The following PTPRK variants were observed in gnomAD, a reference collection of about 807,000 sequenced individuals.
PTPRK encodes receptor-type tyrosine-protein phosphatase kappa.
Under a neutral mutation model 178.0 loss-of-function variants are expected in PTPRK, and 75 were observed. The ratio of observed to expected loss-of-function variants is 0.42; its 90% CI spans 0.35 to 0.51. The LOEUF is 0.51. Among genes scored for constraint, PTPRK ranks in the 20% least tolerant of loss-of-function variants. PTPRK has a pLI of 0.02. For synonymous variants in PTPRK, 637 were observed against 620.6 expected (o/e 1.03, Z -0.39); for missense variants, 1,441 against 1,797.8 (o/e 0.80, Z 3.59).
intron 13 of PTPRK, among the ~76,000 whole-genome samples, chr6:128,061,108 A>T (rs983486563): frequency 6.6e-6 from 1 of 151,580 alleles, no homozygotes; most frequent in Non-Finnish European, 1.5e-5. Context: ...TGGCTAAATA[A>T]TTTTTTTTTG....
intron 6 of PTPRK, among the ~76,000 whole-genome samples, chr6:128,202,622 G>A (rs1004356143): frequency 6.6e-6 from 1 of 152,042 alleles, no homozygotes; most frequent in African/African-American, 2.4e-5. Context: ...CAGGCTGACA[G>A]GCTCCGTCCA....
chr6:128,035,166 A>G (rs1280824448), intron 13 of PTPRK, among the ~76,000 whole-genome samples: 2 of 152,200 alleles, frequency 1.3e-5, no homozygotes, highest in African/African-American at 4.8e-5. Context: ...CAGGAGTTCA[A>G]GACCAGCCTG....
chr6:128,054,317 A>G (rs978108223), intron 13 of PTPRK, among the ~76,000 whole-genome samples: 3 of 152,216 alleles, frequency 2.0e-5, no homozygotes, highest in Non-Finnish European at 4.4e-5. Flanking sequence ...TCCTCCATAA[A>G]ATTCTTCTCT....
At chr6:128,470,229 ATTAG>A (rs1222697318) in intron 1 of PTPRK, among the ~76,000 whole-genome samples, 2 of 151,058 alleles carry the variant, frequency 1.3e-5, no homozygotes, top group African/African-American at 4.9e-5. Flanking sequence ...CATTAAAACA[ATTAG>A]TTATTCATCC....
At chr6:128,464,638 C>CATATATATAT (rs10665667) in intron 1 of PTPRK, among the ~76,000 whole-genome samples, 2,551 of 48,062 alleles carry the variant, frequency 0.053, 231 homozygotes, top group African/African-American at 0.077. Flanking sequence ...TATATATACA[C>CATATATATAT]ATATATATAT....
At chr6:128,516,759 C>T (rs1858099428) in intron 1 of PTPRK, among the ~76,000 whole-genome samples, 1 of 152,064 alleles carries the variant, frequency 6.6e-6, no homozygotes, top group Admixed American at 6.6e-5. Flanking sequence ...CTCTCTAGGT[C>T]ATTGATAAGA....
chr6:128,182,901 A>T (rs1802162822), intron 7 of PTPRK, among the ~76,000 whole-genome samples: 1 of 152,188 alleles, frequency 6.6e-6, no homozygotes, highest in Non-Finnish European at 1.5e-5. Context: ...TTAAAGACCT[A>T]TTTTGACGAA....
intron 2 of PTPRK, among the ~76,000 whole-genome samples, chr6:128,356,249 T>G (rs1833945948): frequency 6.6e-6 from 1 of 152,142 alleles, no homozygotes; most frequent in Non-Finnish European, 1.5e-5. Context: ...CTCCTCCATT[T>G]TAACAACAAC....
intron 13 of PTPRK, among the ~76,000 whole-genome samples, chr6:128,059,510 T>G (rs1780467167): frequency 6.6e-6 from 1 of 152,294 alleles, no homozygotes; most frequent in East Asian, 1.9e-4. Flanking sequence ...GATTATAAGT[T>G]AGTTCCCTTA....
At chr6:128,042,824 T>C (rs1777424401) in intron 13 of PTPRK, among the ~76,000 whole-genome samples, 1 of 152,036 alleles carries the variant, frequency 6.6e-6, no homozygotes, top group African/African-American at 2.4e-5. Context: ...TATTATTCTC[T>C]AGAAATGTTA....
At chr6:128,174,470 G>C (rs1330666429) in intron 7 of PTPRK, among the ~76,000 whole-genome samples, 1 of 151,758 alleles carries the variant, frequency 6.6e-6, no homozygotes, top group African/African-American at 2.4e-5. Flanking sequence ...CTCAAGAATA[G>C]AAATAATGGT....
chr6:127,995,955 C>CT (rs1777102505), intron 17 of PTPRK, among the ~76,000 whole-genome samples: 1 of 152,254 alleles, frequency 6.6e-6, no homozygotes, highest in South Asian at 2.1e-4. Context: ...CTCTCAGTTT[C>CT]TTACTCCCTG....
chr6:127,980,858 C>G (rs1775263685), intron 25 of PTPRK, among the ~76,000 whole-genome samples: 1 of 152,104 alleles, frequency 6.6e-6, no homozygotes, highest in African/African-American at 2.4e-5. Flanking sequence ...AAATTTATAA[C>G]TTGCAATATT....
chr6:128,366,563 C>T (rs1267727081), intron 2 of PTPRK, among the ~76,000 whole-genome samples: 1 of 152,068 alleles, frequency 6.6e-6, no homozygotes, highest in African/African-American at 2.4e-5. Context: ...AAGTGGATAT[C>T]ACAGTATCCA....
At chr6:128,269,336 T>C (rs1819429005) in intron 3 of PTPRK, among the ~76,000 whole-genome samples, 1 of 151,318 alleles carries the variant, frequency 6.6e-6, no homozygotes, top group Non-Finnish European at 1.5e-5. Context: ...ATAAAGACAA[T>C]CCCAGCAGCC....
At chr6:128,370,175 G>A (rs773329829) in intron 2 of PTPRK, among the ~76,000 whole-genome samples, 11 of 152,012 alleles carry the variant, frequency 7.2e-5, no homozygotes, top group African/African-American at 2.2e-4. Context: ...AAAGTGGTTC[G>A]ACGATAATAG....
intron 13 of PTPRK, among the ~76,000 whole-genome samples, chr6:128,038,659 A>G (rs1420010773): frequency 1.3e-5 from 2 of 152,204 alleles, no homozygotes; most frequent in Non-Finnish European, 2.9e-5. Context: ...GCACTTAAAG[A>G]CATTCCAAAG....
At chr6:128,311,658 CCCA>C (rs894797971) in intron 3 of PTPRK, among the ~76,000 whole-genome samples, 1 of 151,928 alleles carries the variant, frequency 6.6e-6, no homozygotes. Flanking sequence ...CATTTTCATG[CCCA>C]CCATAGTAGC....
intron 1 of PTPRK, among the ~76,000 whole-genome samples, chr6:128,419,902 C>T (rs1843288054): frequency 6.6e-6 from 1 of 152,198 alleles, no homozygotes; most frequent in African/African-American, 2.4e-5. Flanking sequence ...AAAAGCTGTG[C>T]TTCCAAACTT....
Sources: allele counts gnomAD v4.1 joint callset (sites outside exome capture counted in the v4.1 genomes callset), GRCh38; gene constraint gnomAD v4.1.1; transcripts MANE v1.5; gene names NCBI Gene and HGNC (gene_info 2026-07-23, HGNC 2026-07-21).